PRELID2: variants seen among roughly 807,000 people sequenced by gnomAD.
PRELID2 encodes the protein PRELI domain containing 2, also known as PRELI domain-containing protein 2.
In PRELID2, 25 loss-of-function variants were observed where a neutral mutation model predicts 28.4. The observed-to-expected ratio is 0.88, with a 90% CI of 0.64 to 1.23. The LOEUF (loss-of-function observed/expected upper bound fraction) is 1.23. PRELID2 is among the 50% of genes most tolerant of loss of function. The pLI is 0.00. For synonymous variants in PRELID2, 76 were observed against 71.6 expected, an observed-to-expected ratio of 1.06 and a Z score of -0.31; for missense variants, 201 against 214.4, an observed-to-expected ratio of 0.94 and a Z score of 0.39.
At position 145,637,236 on chromosome 5, in the gene PRELID2, T is replaced by C. The variant is rs575775486; in HGVS notation, n.70+127695A>G. 2.2e-4 allele frequency among the ~76,000 whole-genome samples: 34 copies of C among 152,246 alleles called. 1 individual carries two copies. Among genetic ancestry groups the C allele is most frequent in the Admixed American group, 9.2e-4 (14 of 15,290 alleles). ...GGCACTGCATAACAGACATTTTACA[T>C]GCATTATTTCATTATAACCTCATAA... On this transcript the variant is annotated intron_variant and non_coding_transcript_variant, in intron 1 of 2. Coordinates refer to the PRELID2 transcript ENST00000510259.
At chr5:145,334,784 T>C in the PRELID2 span, among the ~76,000 whole-genome samples, 1 of 151,890 alleles carries the variant, frequency 6.6e-6, no homozygotes, top group Non-Finnish European at 1.5e-5. Context: ...TTTTTTTTTT[T>C]TTTTCACCAC....
intron 1 of PRELID2, among the ~76,000 whole-genome samples, chr5:145,643,121 CATA>C (rs1185075315): frequency 2.6e-5 from 4 of 152,176 alleles, no homozygotes; most frequent in Non-Finnish European, 5.9e-5. Context: ...TGGCCATTTT[CATA>C]ATGTTGATTC....
chr5:145,694,555 T>A (rs753637176), intron 1 of PRELID2, among the ~76,000 whole-genome samples: 2 of 152,158 alleles, frequency 1.3e-5, no homozygotes, highest in Non-Finnish European at 2.9e-5. Flanking sequence ...AAGTACAAAT[T>A]TATTGTATTT....
chr5:145,814,384 T>A (rs1344097440), intron 4 of PRELID2, among the ~76,000 whole-genome samples: 1 of 152,190 alleles, frequency 6.6e-6, no homozygotes. Flanking sequence ...GGCCACAGCC[T>A]TTACACTTAA....
chr5:145,743,572 G>A (rs1328248197), intron 1 of PRELID2, among the ~76,000 whole-genome samples: 2 of 144,648 alleles, frequency 1.4e-5, no homozygotes, highest in Non-Finnish European at 3.0e-5. Flanking sequence ...GTGGTGTGGC[G>A]GACCACCAGA....
the PRELID2 span, among the ~76,000 whole-genome samples, chr5:145,268,187 T>C: frequency 2.0e-5 from 3 of 152,188 alleles, no homozygotes; most frequent in Non-Finnish European, 2.9e-5. Context: ...CCTGTACTTG[T>C]AGAGTATTAC....
At chr5:145,455,930 C>T in the PRELID2 span, among the ~76,000 whole-genome samples, 2 of 152,286 alleles carry the variant, frequency 1.3e-5, no homozygotes, top group South Asian at 2.1e-4. Flanking sequence ...GCAGAAATTA[C>T]TCGCCTTCTG....
chr5:145,759,486 A>G lies in PRELID2; in HGVS notation c.*1050T>C, dbSNP rs1757371471. The G allele has an allele frequency of 6.6e-6, 1 of 152,238 alleles. No homozygotes were observed. The highest frequency in any genetic ancestry group is 2.4e-5 in the African/African-American group (1 of 41,468). The allele number at this position is 152,238 out of a possible 1,614,324, so 9.4% of individuals were successfully genotyped here. On this transcript the variant is annotated 3_prime_UTR_variant, in exon 7 of 7. Transcript: ENST00000683046. ...CCTTTGCAAAATGTTTTACATAATA[A>G]TGGCTTCCATTTCCTGGACTTCTAC...
chr5:145,535,286 C>T (rs971833440), intron 1 of PRELID2, among the ~76,000 whole-genome samples: 7 of 151,800 alleles, frequency 4.6e-5, no homozygotes, highest in African/African-American at 1.7e-4. Flanking sequence ...TAGACTCCCA[C>T]AAAATAGATA....
At chr5:145,753,877 C>A (rs547988794), downstream of PRELID2, among the ~76,000 whole-genome samples, 97 of 152,268 alleles carry the variant, frequency 6.4e-4, no homozygotes, top group African/African-American at 2.1e-3. Context: ...TAACTTCTGT[C>A]CTGAGTCGCT....
chr5:145,624,175 C>T (rs1753813216), intron 1 of PRELID2, among the ~76,000 whole-genome samples: 1 of 152,206 alleles, frequency 6.6e-6, no homozygotes, highest in South Asian at 2.1e-4. Context: ...CTTCTCAGAG[C>T]ATACCACCTT....
At chr5:145,575,425 C>T (rs989133382) in intron 1 of PRELID2, among the ~76,000 whole-genome samples, 16 of 152,088 alleles carry the variant, frequency 1.1e-4, no homozygotes, top group African/African-American at 3.6e-4. Flanking sequence ...TGCAGGACAC[C>T]GTGCCTAGCT....
chr5:145,817,206 A>T (rs376429994), intron 4 of PRELID2, among the ~76,000 whole-genome samples: 6,285 of 57,446 alleles, frequency 0.11, 803 homozygotes, highest in Non-Finnish European at 0.18. Flanking sequence ...AAAATAAATA[A>T]ATAAATAAAA....
intron 4 of PRELID2, among the ~76,000 whole-genome samples, chr5:145,803,734 G>GGAAA (rs1753303763): frequency 3.0e-5 from 1 of 33,476 alleles, no homozygotes; most frequent in African/African-American, 1.2e-4. Context: ...CCAATTTAAA[G>GGAAA]TAAAAAAAAA....
chr5:145,594,613 T>C (rs1460194637), intron 1 of PRELID2, among the ~76,000 whole-genome samples: 1 of 152,136 alleles, frequency 6.6e-6, no homozygotes, highest in African/African-American at 2.4e-5. Context: ...AATGTCCAAC[T>C]TATGTAGCCA....
At chr5:145,527,205 G>A (rs1044660107) in intron 1 of PRELID2, among the ~76,000 whole-genome samples, 2 of 152,026 alleles carry the variant, frequency 1.3e-5, no homozygotes, top group African/African-American at 2.4e-5. Flanking sequence ...TTATGATGGT[G>A]GTTATATAAA....
the PRELID2 span, among the ~76,000 whole-genome samples, chr5:145,386,024 G>A: frequency 1.3e-4 from 20 of 151,990 alleles, 1 homozygote; most frequent in East Asian, 3.9e-3. Flanking sequence ...GTCTATTCCC[G>A]GGGTGCTATA....
intron 5 of PRELID2, among the ~76,000 whole-genome samples, chr5:145,767,371 C>T (rs1416087232): frequency 6.6e-6 from 1 of 152,120 alleles, no homozygotes; most frequent in African/African-American, 2.4e-5. Flanking sequence ...TTCCACTGCT[C>T]AGTAAAATCC....
At chr5:145,229,572 T>C in the PRELID2 span, 5 of 1,477,026 alleles carry the variant, frequency 3.4e-6, no homozygotes, top group Admixed American at 1.7e-5. Flanking sequence ...GAGCTCTTCA[T>C]GTACCTGAAC....
Sources: gnomAD v4.1 joint callset for allele counts (sites outside exome capture counted in the v4.1 genomes callset) on GRCh38, gnomAD v4.1.1 for gene constraint, MANE v1.5 for transcripts, NCBI Gene and HGNC (gene_info 2026-07-23, HGNC 2026-07-21) for gene names.